The following ITGA9 variants were observed in gnomAD, a reference collection of about 807,000 sequenced individuals.
ITGA9 encodes the protein integrin alpha-9.
Under a neutral mutation model 127.8 loss-of-function variants are expected in ITGA9, and 56 were observed. The ratio of observed to expected loss-of-function variants is 0.44; its 90% CI spans 0.35 to 0.55. The LOEUF (loss-of-function observed/expected upper bound fraction) is 0.55, where lower values mean the gene tolerates loss of function less well. Ranked by LOEUF, ITGA9 falls within the 20% of genes least tolerant of loss-of-function variation. ITGA9 has a pLI of 0.00. For synonymous variants in ITGA9, 508 were observed against 514.5 expected (o/e 0.99, Z 0.17); for missense variants, 1,196 against 1,347.1 (o/e 0.89, Z 1.76).
At chr3:37,586,530 A>C (rs189897256) in intron 15 of ITGA9, among the ~76,000 whole-genome samples, 1 of 152,244 alleles carries the variant, frequency 6.6e-6, no homozygotes, top group Non-Finnish European at 1.5e-5. Flanking sequence ...TGGCATTTCA[A>C]GTTTCTGCAG....
intron 18 of ITGA9, among the ~76,000 whole-genome samples, chr3:37,726,709 C>G (rs994370482): frequency 3.3e-5 from 5 of 152,148 alleles, no homozygotes; most frequent in Admixed American, 6.5e-5. Flanking sequence ...TTCTTGCAGC[C>G]CCTTCTTTGG....
intron 15 of ITGA9, among the ~76,000 whole-genome samples, chr3:37,560,274 C>T (rs1464602861): frequency 6.6e-6 from 1 of 152,202 alleles, no homozygotes; most frequent in East Asian, 1.9e-4. Flanking sequence ...CTGCAAAGGA[C>T]ATGAACTCAT....
intron 5 of ITGA9, among the ~76,000 whole-genome samples, chr3:37,499,136 A>G (rs982312448): frequency 2.6e-5 from 4 of 152,228 alleles, no homozygotes; most frequent in African/African-American, 9.6e-5. Flanking sequence ...TGAGGATTAG[A>G]GAGAATTTCC....
intron 15 of ITGA9, among the ~76,000 whole-genome samples, chr3:37,623,803 A>G (rs1340188218): frequency 1.3e-5 from 2 of 152,178 alleles, no homozygotes; most frequent in Non-Finnish European, 2.9e-5. Flanking sequence ...TTCTTTTAAA[A>G]GAGTCTTCAA....
intron 1 of ITGA9, among the ~76,000 whole-genome samples, chr3:37,454,176 G>C (rs1391506402): frequency 6.6e-6 from 1 of 152,224 alleles, no homozygotes; most frequent in African/African-American, 2.4e-5. Flanking sequence ...AGCATTGTGT[G>C]TGATCTGCAG....
rs149249807 is a variant in ITGA9 at position 37,510,447 on chromosome 3, G to A, written c.897+1820G>A. On this transcript the variant is annotated intron_variant, in intron 8 of 27. Coordinates refer to ENST00000264741, the MANE Select transcript of ITGA9 (RefSeq NM_002207.3). ...GGTCCGGTTAATTCCTATTGCCTTC[G>A]AGTAATTAACAATCTGTAATTGTGC... 4.2e-3 allele frequency among the ~76,000 whole-genome samples: 639 copies of A among 152,126 alleles called. 5 individuals carry two copies. Among genetic ancestry groups the A allele is most frequent in the Admixed American group, 0.011 (175 of 15,282 alleles).
At chr3:37,771,724 C>G (rs374619195) in intron 23 of ITGA9, among the ~76,000 whole-genome samples, 11 of 152,314 alleles carry the variant, frequency 7.2e-5, no homozygotes, top group Admixed American at 3.3e-4. Flanking sequence ...TCTGTTCCCC[C>G]CTTCCAGCCC....
chr3:37,558,608 C>T (rs115210434), intron 15 of ITGA9, among the ~76,000 whole-genome samples: 103 of 152,238 alleles, frequency 6.8e-4, no homozygotes, highest in African/African-American at 2.2e-3. Flanking sequence ...TCAAGTGTTC[C>T]GATTTGGATG....
rs1479754311 is a variant in ITGA9, at chr3:37,597,836, G to A, written c.1690-31351G>A. The stretch of plus-strand genomic sequence containing the variant: ...TGTTCATATAGCTAGGGGTCAGCTA[G>A]CTGTTGGTTATCTAGACTGGCATTG... On this transcript the variant is annotated intron_variant, in intron 15 of 27. Transcript: ENST00000264741. This position sits in a 1 kb window ranked among gnomAD's most constrained non-coding sequence, Gnocchi z 4.6. Among the ~76,000 whole-genome samples the A allele has an allele frequency of 1.3e-5, 2 of 152,198 alleles. No individual in the cohort carries two copies. The highest frequency in any genetic ancestry group is 2.9e-5 in the Non-Finnish European group (2 of 68,032).
In ITGA9 at chr3:37,709,681, G is replaced by C. The variant is rs1701056132; in HGVS notation, c.2068-23031G>C. On this transcript the variant is annotated intron_variant, in intron 18 of 27. Coordinates refer to ENST00000264741, the MANE Select transcript of ITGA9 (RefSeq NM_002207.3). ...CGCCTGCCCTCACACACAACCCCAT[G>C]CTTTCAGAAGAAGGCGTCAGACCTC... 2.0e-5 allele frequency among the ~76,000 whole-genome samples: 3 copies of C among 152,246 alleles called. No homozygotes were observed. In the South Asian group the frequency reaches 6.2e-4, roughly 31 times the overall value.
intron 18 of ITGA9, among the ~76,000 whole-genome samples, chr3:37,698,721 G>C (rs535726294): frequency 6.6e-6 from 1 of 151,978 alleles, no homozygotes; most frequent in Non-Finnish European, 1.5e-5. Context: ...TGGCTCAAAG[G>C]GTCACTGTTT....
intron 15 of ITGA9, among the ~76,000 whole-genome samples, chr3:37,590,870 A>T (rs1240636906): frequency 2.6e-5 from 4 of 152,124 alleles, no homozygotes; most frequent in African/African-American, 4.8e-5. Flanking sequence ...CTCCACATAG[A>T]TGCAGGGCAC....
At chr3:37,784,850 A>C (rs561853166) in intron 25 of ITGA9, 127 bp from the exon 26 acceptor site, 8 of 733,848 alleles carry the variant, frequency 1.1e-5, no homozygotes, top group South Asian at 8.9e-5. Flanking sequence ...AGAGGTATCT[A>C]GTTCAATGAT....
chr3:37,494,559 C>T lies in ITGA9; in HGVS notation c.603C>T (p.Phe201=). Residue 201 remains phenylalanine, a synonymous_variant, in exon 5 of 28, where the codon TTC becomes TTT. Transcript: ENST00000264741. ...HGSCQAGIAG[F]FTEELVVMGA... ...CCTGCCAGGCTGGGATAGCGGGCTT[C>T]TTCACCGAGGTGGGTGTCTGCTGTC... 1 of 1,613,534 alleles carries T rather than the reference C, an allele frequency of 6.2e-7. No individual in the cohort carries two copies. The highest frequency in any genetic ancestry group is 8.5e-7 in the Non-Finnish European group (1 of 1,179,468).
At chr3:37,582,827 T>C (rs1032052167) in intron 15 of ITGA9, among the ~76,000 whole-genome samples, 1 of 152,238 alleles carries the variant, frequency 6.6e-6, no homozygotes, top group African/African-American at 2.4e-5. Flanking sequence ...CAAAAGAAGA[T>C]GTCTGTTCCA....
At chr3:37,641,900 A>G (rs1001686211) in intron 16 of ITGA9, among the ~76,000 whole-genome samples, 4 of 152,124 alleles carry the variant, frequency 2.6e-5, no homozygotes, top group African/African-American at 9.7e-5. Flanking sequence ...TGCCTCCTCA[A>G]AGAACCATTC....
At chr3:37,588,176 A>G (rs1699776635) in intron 15 of ITGA9, among the ~76,000 whole-genome samples, 1 of 152,244 alleles carries the variant, frequency 6.6e-6, no homozygotes, top group African/African-American at 2.4e-5. Flanking sequence ...AAATCAAGGT[A>G]ACTGTTCAGT....
At chr3:37,520,693 A>G (rs896411491) in intron 11 of ITGA9, among the ~76,000 whole-genome samples, 61 of 152,220 alleles carry the variant, frequency 4.0e-4, no homozygotes, top group African/African-American at 1.4e-3. Context: ...TCAGCCCACA[A>G]GGCAGGAGGA....
At chr3:37,561,170 G>C (rs910125264) in intron 15 of ITGA9, among the ~76,000 whole-genome samples, 1 of 152,108 alleles carries the variant, frequency 6.6e-6, no homozygotes, top group Admixed American at 6.5e-5. Context: ...ACAGTTCAGC[G>C]CATAAAAATG....
Sources: gnomAD v4.1 joint callset for allele counts (sites outside exome capture counted in the v4.1 genomes callset) on GRCh38, gnomAD v4.1.1 for gene constraint, Gnocchi (gnomAD v3.1) non-coding constraint, MANE v1.5 for transcripts, NCBI Gene and HGNC (gene_info 2026-07-23, HGNC 2026-07-21) for gene names.